LRBA: variants seen among roughly 807,000 people sequenced by gnomAD.
LRBA encodes the protein lipopolysaccharide-responsive and beige-like anchor protein.
A neutral mutation model predicts 330.0 loss-of-function variants in LRBA; 176 were observed. The observed-to-expected ratio is 0.53, with a 90% CI of 0.47 to 0.60. LRBA has a LOEUF of 0.60. LRBA is among the 20% of genes least tolerant of loss of function. The probability of loss-of-function intolerance (pLI) is 0.00; values close to 1 mark genes in which losing one functional copy is unlikely to be tolerated. For missense variants in LRBA, 3,259 were observed against 3,444.8 expected (o/e 0.95, Z 1.35); for synonymous variants, 1,230 against 1,193.0 (o/e 1.03, Z -0.64).
intron 37 of LRBA, among the ~76,000 whole-genome samples, chr4:150,612,371 T>C (rs114584672): frequency 0.014 from 2,079 of 151,848 alleles, 16 homozygotes; most frequent in Non-Finnish European, 0.023. Flanking sequence ...AAAAGAAAAA[T>C]ATATATACTG....
chr4:150,553,260 T>C (rs1766856240), intron 40 of LRBA, among the ~76,000 whole-genome samples: 1 of 151,704 alleles, frequency 6.6e-6, no homozygotes, highest in African/African-American at 2.4e-5. Flanking sequence ...AGGTGGGAAT[T>C]GAACAATGAG....
chr4:150,849,285 T>C (rs916025925), intron 25 of LRBA, 137 bp downstream of exon 25: 8 of 734,868 alleles, frequency 1.1e-5, no homozygotes, highest in Middle Eastern at 2.6e-4. Flanking sequence ...TCTAAGGTCC[T>C]CTCAAGTAAA....
At position 151,014,547 on chromosome 4, in the gene LRBA, T is replaced by C; in HGVS notation, c.96A>G (p.Ala32=). The C allele has an allele frequency of 4.3e-6, 7 of 1,613,862 alleles. No individual in the cohort carries two copies. The highest frequency in any genetic ancestry group is 5.9e-6 in the Non-Finnish European group (7 of 1,179,856). The change falls in exon 2 of 57, where the codon GCA becomes GCG. Residue 32 remains alanine, a synonymous_variant. Transcript: ENST00000651943. ...GREETPTEGG[A]LSLKPGLPIR... is the part of the protein sequence containing the mutation. ...TGGGGAGCCCTGGTTTCAGAGACAATGCACCCCCTTCAGTAGGGGTTTCTT... is the reference window on the plus strand; with the variant it reads ...TGGGGAGCCCTGGTTTCAGAGACAACGCACCCCCTTCAGTAGGGGTTTCTT...
chr4:150,522,216 A>T (rs555115302), intron 40 of LRBA, among the ~76,000 whole-genome samples: 1 of 152,254 alleles, frequency 6.6e-6, no homozygotes, highest in South Asian at 2.1e-4. Flanking sequence ...CAGTGCCTCA[A>T]TCTTGGTCTT....
intron 37 of LRBA, among the ~76,000 whole-genome samples, chr4:150,666,950 G>A (rs1013214427): frequency 4.6e-5 from 7 of 152,084 alleles, no homozygotes; most frequent in African/African-American, 1.2e-4. Context: ...TTTAACTAAT[G>A]AAAGGAAAAT....
rs373890489 is a variant in LRBA at position 150,590,854 on chromosome 4, C to G, written c.6052G>C (p.Asp2018His). Reference sequence around the variant, plus strand: ...TTTCCTTTAGCAAGGATATCTTCATCTGTGGCTGAAATGAAAAGGAAACAA... The same window carrying G: ...TTTCCTTTAGCAAGGATATCTTCATGTGTGGCTGAAATGAAAAGGAAACAA... ...TLKTAVEHATDEDILAKGKQS... is the reference protein window; with the variant it reads ...TLKTAVEHATHEDILAKGKQS... Residue 2018 changes from aspartate to histidine, a missense_variant, in exon 39 of 57, where the codon GAT becomes CAT. Asp to His is a moderately conservative substitution (Grantham distance 81, BLOSUM62 -1). Transcript: ENST00000651943. The G allele has an allele frequency of 1.2e-6, 2 of 1,613,676 alleles. No individual in the cohort carries two copies. Among genetic ancestry groups the G allele is most frequent in the South Asian group, 1.1e-5 (1 of 90,994 alleles).
rs561231941 is a variant in LRBA at position 150,831,083 on chromosome 4, C to G, written c.4729+734G>C. On this transcript the variant is annotated intron_variant, in intron 29 of 56. Transcript: ENST00000651943. ...CCCAGCCCAGAGGTACTTTTTAAAA[C>G]ATAAATTGTAACTCCTGTACTCAAG... Among the ~76,000 whole-genome samples, 7 of 151,976 alleles carry G rather than the reference C, an allele frequency of 4.6e-5. No individual in the cohort carries two copies. In the South Asian group the frequency reaches 1.5e-3, roughly 32 times the overall value.
At chr4:150,892,941 C>A in intron 17 of LRBA, 111 bp downstream of exon 17, 1 of 619,048 alleles carries the variant, frequency 1.6e-6, no homozygotes, top group Non-Finnish European at 2.7e-6. Flanking sequence ...TAACTCATTT[C>A]ATGCTATAAA....
intron 2 of LRBA, among the ~76,000 whole-genome samples, chr4:150,940,478 T>C (rs959825687): frequency 3.9e-5 from 6 of 152,248 alleles, no homozygotes; most frequent in Non-Finnish European, 8.8e-5. Flanking sequence ...GTAAAAATAT[T>C]GTTCTATTGT....
At chr4:150,325,670 G>A in intron 49 of LRBA, 139 bp downstream of exon 49, 1 of 629,072 alleles carries the variant, frequency 1.6e-6, no homozygotes, top group Admixed American at 2.6e-5. Context: ...TCTGCTGGTT[G>A]TTAGCAGGTT....
chr4:150,853,912 T>C (rs1009010219), intron 22 of LRBA, among the ~76,000 whole-genome samples: 4 of 152,150 alleles, frequency 2.6e-5, no homozygotes, highest in Admixed American at 6.5e-5. Flanking sequence ...CATTATTATA[T>C]AGAGTAAACT....
At chr4:150,424,722 G>C (rs558379154) in intron 46 of LRBA, among the ~76,000 whole-genome samples, 6 of 152,232 alleles carry the variant, frequency 3.9e-5, no homozygotes, top group East Asian at 1.9e-4. Flanking sequence ...GAAGAAACCA[G>C]AGTACCTGGA....
intron 28 of LRBA, among the ~76,000 whole-genome samples, chr4:150,836,074 G>A (rs1012369089): frequency 1.2e-4 from 18 of 151,972 alleles, no homozygotes; most frequent in South Asian, 2.1e-4. Flanking sequence ...AGTTTTTGTC[G>A]TTGGTTCTGT....
intron 37 of LRBA, among the ~76,000 whole-genome samples, chr4:150,665,666 C>G (rs1781497198): frequency 6.6e-6 from 1 of 152,186 alleles, no homozygotes; most frequent in Non-Finnish European, 1.5e-5. Flanking sequence ...CCTTTTGAGT[C>G]TGGCTTCTTT....
chr4:150,994,893 A>G (rs1742471206), intron 2 of LRBA, among the ~76,000 whole-genome samples: 1 of 152,240 alleles, frequency 6.6e-6, no homozygotes, highest in Admixed American at 6.5e-5. Context: ...ATTGGTGAGC[A>G]CTGAAACCAG....
chr4:150,524,352 A>G (rs1763238514), intron 40 of LRBA, among the ~76,000 whole-genome samples: 1 of 152,202 alleles, frequency 6.6e-6, no homozygotes, highest in African/African-American at 2.4e-5. Context: ...GCTTCTTGCA[A>G]TGTTTATTTC....
intron 56 of LRBA, 30 bp downstream of exon 56, chr4:150,277,823 C>T (rs759787589): frequency 8.1e-6 from 13 of 1,609,464 alleles, no homozygotes; most frequent in Non-Finnish European, 1.1e-5. Flanking sequence ...TTTTGAAACC[C>T]CTATTTGTAG....
chr4:150,342,905 A>G (rs1199064078), intron 48 of LRBA, among the ~76,000 whole-genome samples: 2 of 152,220 alleles, frequency 1.3e-5, no homozygotes, highest in African/African-American at 4.8e-5. Flanking sequence ...CTGGAAAGGT[A>G]CAAATCTATC....
rs1356395655 is a variant in LRBA at position 150,831,861 on chromosome 4, G to T, written c.4685C>A (p.Ser1562Ter). The T allele has an allele frequency of 1.2e-6, 2 of 1,603,206 alleles. No individual in the cohort carries two copies. The highest frequency in any genetic ancestry group is 1.1e-5 in the South Asian group (1 of 88,548). The change falls in exon 29 of 57, where the codon TCA becomes TAA. Residue 1562 changes from serine (S) to a stop codon, truncating the protein, a stop_gained. Coordinates refer to ENST00000651943, the MANE Select transcript of LRBA (RefSeq NM_001364905.1). LOFTEE classifies it high-confidence loss of function. Reference sequence around the variant, plus strand: ...ATTTTCACTGCCAGTTTCTGTACATGACTGGCTATGCCTTTCATTTTGGGG... The same window carrying T: ...ATTTTCACTGCCAGTTTCTGTACATTACTGGCTATGCCTTTCATTTTGGGG... Reference protein sequence around the residue: ...LEPQNERHSQSCTETGSENEN... With the variant: ...LEPQNERHSQ
Sources: allele counts gnomAD v4.1 joint callset (sites outside exome capture counted in the v4.1 genomes callset), GRCh38; gene constraint gnomAD v4.1.1; transcripts MANE v1.5; gene names NCBI Gene and HGNC (gene_info 2026-07-23, HGNC 2026-07-21).